The following NELFCD variants were observed in gnomAD, a reference collection of about 807,000 sequenced individuals.
NELFCD encodes the protein negative elongation factor complex member C/D.
NELFCD carries 48 observed loss-of-function variants against 72.9 expected under a neutral mutation model. That is an observed-to-expected ratio of 0.66 (90% CI 0.52 to 0.84). The LOEUF (loss-of-function observed/expected upper bound fraction) is 0.84, where lower values mean the gene tolerates loss of function less well. Among genes scored for constraint, NELFCD ranks in the 40% least tolerant of loss-of-function variants. The pLI, the probability that NELFCD is intolerant of heterozygous loss-of-function variation, is 0.00. For synonymous variants in NELFCD, 297 were observed against 280.6 expected (o/e 1.06, Z -0.59); for missense variants, 538 against 723.8 (o/e 0.74, Z 2.94).
In NELFCD at chr20:58,994,814, A is replaced by C. The variant is rs954985716; in HGVS notation, c.*138A>C. 2.4e-5 allele frequency: 17 copies of C among 704,992 alleles called. No homozygotes were observed. The Admixed American group carries it at 4.2e-4, about 17-fold the overall frequency. The allele number at this position is 704,992 out of a possible 1,614,324, so 43.7% of individuals were successfully genotyped here. ...GGGAGGAGGTGGATGACTTCTTTACAAAGGAAAATGGTAGCAGCTTCAGTG... is the reference window on the plus strand; with the variant it reads ...GGGAGGAGGTGGATGACTTCTTTACCAAGGAAAATGGTAGCAGCTTCAGTG... On this transcript the variant is annotated 3_prime_UTR_variant, in exon 15 of 15. Transcript: ENST00000652272.
rs967516067 is a variant in NELFCD, at chr20:58,986,349, T to A, written c.176+141T>A. 8.6e-6 allele frequency: 2 copies of A among 231,616 alleles called. No homozygotes were observed. Among genetic ancestry groups the A allele is most frequent in the African/African-American group, 4.8e-5 (2 of 41,732 alleles). The allele number at this position is 231,616 out of a possible 1,614,324, so 14.3% of individuals were successfully genotyped here. A position where few individuals can be genotyped will look rare whatever the true frequency, so the allele number is the denominator to read the frequency against. ...TTCAAGGGGGGGTCCCCTCTGCCAC[T>A]TTTTTTTTTTTTTTAAATTTTTTTA... On this transcript the variant is annotated intron_variant, in intron 2 of 14. Coordinates refer to ENST00000652272, the MANE Select transcript of NELFCD (RefSeq NM_198976.4). This position sits in a 1 kb window ranked among gnomAD's most constrained non-coding sequence, Gnocchi z 4.4.
chr20:58,994,564 A>C, intron 14 of NELFCD, 78 bp from the exon 15 acceptor site: 1 of 410,874 alleles, frequency 2.4e-6, no homozygotes, highest in Non-Finnish European at 3.6e-6. Flanking sequence ...CTGCATCTCA[A>C]AAAAAAAAAA....
chr20:58,990,820 C>A lies in NELFCD; in HGVS notation c.789-90C>A. Reference sequence around the variant, plus strand: ...ACTCGTGAATGACAGAAAAACAGATCCCAACAATGCAAAGTATTATATGTG... The same window carrying A: ...ACTCGTGAATGACAGAAAAACAGATACCAACAATGCAAAGTATTATATGTG... On this transcript the variant is annotated intron_variant, in intron 7 of 14. Coordinates refer to ENST00000652272, the MANE Select transcript of NELFCD (RefSeq NM_198976.4). 6 of 1,171,092 alleles carry A rather than the reference C, an allele frequency of 5.1e-6. No individual in the cohort carries two copies. The South Asian group carries it at 7.4e-5, about 14-fold the overall frequency. 72.5% of individuals were successfully genotyped at this position (1,171,092 alleles called of 1,614,324 possible). A position where few individuals can be genotyped will look rare whatever the true frequency, so the allele number is the denominator to read the frequency against.
rs752338939 is a variant in NELFCD, at chr20:58,981,290, G to C, written c.-20G>C. 1 of 1,070,822 alleles carries C rather than the reference G, an allele frequency of 9.3e-7. No individual in the cohort carries two copies. Among genetic ancestry groups the C allele is most frequent in the Admixed American group, 4.5e-5 (1 of 22,096 alleles). 66.3% of individuals were successfully genotyped at this position (1,070,822 alleles called of 1,614,324 possible). A position where few individuals can be genotyped will look rare whatever the true frequency, so the allele number is the denominator to read the frequency against. ...GCTCGCTCGCGGGAGGGCATGGCGG[G>C]GGCCGTGCCGGGCGCCATCATGGAC... On this transcript the variant is annotated 5_prime_UTR_variant, in exon 1 of 15. Transcript: ENST00000652272.
rs75576764 is a variant in NELFCD, at chr20:58,986,938, A to G, written c.286+75A>G. On this transcript the variant is annotated intron_variant, in intron 3 of 14. Coordinates refer to ENST00000652272, the MANE Select transcript of NELFCD (RefSeq NM_198976.4). This position sits in a 1 kb window ranked among gnomAD's most constrained non-coding sequence, Gnocchi z 4.4. Reference sequence around the variant, plus strand: ...AAATAGACTTTTGGGTCCTTATAACACTGATACAATGCCTTCTTTGATTTC... The same window carrying G: ...AAATAGACTTTTGGGTCCTTATAACGCTGATACAATGCCTTCTTTGATTTC... 2.0e-3 allele frequency: 1,665 copies of G among 819,420 alleles called. 28 individuals are homozygous for G. The African/African-American group carries it at 0.027, about 13-fold the overall frequency. The allele number at this position is 819,420 out of a possible 1,614,324, so 50.8% of individuals were successfully genotyped here.
At position 58,992,870 on chromosome 20, in the gene NELFCD, T is replaced by G. The variant is rs764058988; in HGVS notation, c.1230-128T>G. ...TCTCAAAAAAAAAAAAAAAAAAGGG[T>G]TGGGGGGCGTATTGAAGGGTGAATG... is the stretch of plus-strand genomic sequence containing the variant. On this transcript the variant is annotated intron_variant, in intron 10 of 14. Transcript: ENST00000652272. 1,216 of 531,200 alleles carry G rather than the reference T, an allele frequency of 2.3e-3. 2 individuals are homozygous for G. Among genetic ancestry groups the G allele is most frequent in the Non-Finnish European group, 3.1e-3 (914 of 296,266 alleles). The allele number at this position is 531,200 out of a possible 1,614,324, so 32.9% of individuals were successfully genotyped here. A position where few individuals can be genotyped will look rare whatever the true frequency, so the allele number is the denominator to read the frequency against.
intron 1 of NELFCD, among the ~76,000 whole-genome samples, 169 bp downstream of exon 1, chr20:58,981,538 CCCCGCCCGCCCGGGGTCCCGCGG>C (rs2091732517): frequency 6.8e-6 from 1 of 147,786 alleles, no homozygotes; most frequent in Non-Finnish European, 1.5e-5. Context: ...CCCGCCCCGC[CCCCGCCCGCCCGGGGTCCCGCGG>C]CGCGGCCGCC....
chr20:58,994,433 C>T (rs571662727), intron 14 of NELFCD, among the ~76,000 whole-genome samples, 194 bp downstream of exon 14: 37 of 152,038 alleles, frequency 2.4e-4, no homozygotes, highest in Admixed American at 1.6e-3. Flanking sequence ...CATGGTGGCA[C>T]GTGCCTGTAA....
intron 5 of NELFCD, 170 bp from the exon 6 acceptor site, chr20:58,989,318 T>G: frequency 1.3e-6 from 1 of 768,390 alleles, no homozygotes; most frequent in Non-Finnish European, 2.1e-6. Flanking sequence ...GGAGAGGTGG[T>G]CAGCCCAGGG....
At chr20:58,990,086 C>T (rs1360596232) in intron 7 of NELFCD, 98 bp downstream of exon 7, 1 of 1,499,162 alleles carries the variant, frequency 6.7e-7, no homozygotes, top group Non-Finnish European at 9.0e-7. Flanking sequence ...CTAGCTCCTT[C>T]TGTTCAACGT....
chr20:58,985,526 T>G (rs918134937), intron 1 of NELFCD, among the ~76,000 whole-genome samples: 2 of 152,178 alleles, frequency 1.3e-5, no homozygotes, highest in Non-Finnish European at 2.9e-5. Flanking sequence ...CTGAAGTTGC[T>G]TCCACATAGA....
In NELFCD at chr20:58,994,245, G is replaced by A. The variant is rs116866670; in HGVS notation, c.1711+6G>A. 1,983 of 1,613,912 alleles carry A rather than the reference G, an allele frequency of 1.2e-3. 28 individuals are homozygous for A. The East Asian group carries it at 0.031, about 25-fold the overall frequency. On this transcript the variant is annotated splice_donor_region_variant and intron_variant, in intron 14 of 14. Transcript: ENST00000652272. ...CCCTGTGACGGAGTTTATAGGTGAG[G>A]CCGACTGCCTAGCCCTTTACTACAA...
chr20:58,991,412 C>T lies in NELFCD; in HGVS notation c.1055C>T (p.Ala352Val), dbSNP rs200667528. 7.4e-6 allele frequency: 12 copies of T among 1,614,102 alleles called. No individual in the cohort carries two copies. Among genetic ancestry groups the T allele is most frequent in the African/African-American group, 2.7e-5 (2 of 74,930 alleles). ...DHKHKYIHIL[A>V]YAASVVETWK... ...AAGCACAAATACATCCACATCTTGG[C>T]GTACGCAGCAAGCGTGGTTGAGACC... is the stretch of plus-strand genomic sequence containing the variant. The change falls in exon 9 of 15, where the codon GCG becomes GTG. Residue 352 changes from alanine to valine, a missense_variant. By Grantham distance (64) the Ala-to-Val change is moderately conservative (BLOSUM62 0). Coordinates refer to ENST00000652272, the MANE Select transcript of NELFCD (RefSeq NM_198976.4).
intron 7 of NELFCD, 54 bp downstream of exon 7, chr20:58,990,042 C>G: frequency 6.3e-7 from 1 of 1,591,968 alleles, no homozygotes; most frequent in East Asian, 2.2e-5. Flanking sequence ...CCCACAAAAC[C>G]CTTCCCATGG....
At chr20:58,987,998 C>T in intron 4 of NELFCD, 181 bp downstream of exon 4, 1 of 593,226 alleles carries the variant, frequency 1.7e-6, no homozygotes, top group East Asian at 2.8e-5. Context: ...AGGGTCGTGA[C>T]ATGCTTGCAC....
At position 58,993,439 on chromosome 20, in the gene NELFCD, C is replaced by G; in HGVS notation, c.1345-10C>G. 2 of 1,613,054 alleles carry G rather than the reference C, an allele frequency of 1.2e-6. No homozygotes were observed. Among genetic ancestry groups the G allele is most frequent in the South Asian group, 1.1e-5 (1 of 91,002 alleles). ...ACTGCTCAGCGAAGCTCCCTCTGGC[C>G]TGTTTGTAGATCAGCACCTGCCACC... On this transcript the variant is annotated splice_polypyrimidine_tract_variant and intron_variant, in intron 11 of 14. Transcript: ENST00000652272. This position sits in a 1 kb window ranked among gnomAD's most constrained non-coding sequence, Gnocchi z 5.0.
At position 58,994,740 on chromosome 20, in the gene NELFCD, A is replaced by G. The variant is rs1372497658; in HGVS notation, c.*64A>G. On this transcript the variant is annotated 3_prime_UTR_variant, in exon 15 of 15. Coordinates refer to ENST00000652272, the MANE Select transcript of NELFCD (RefSeq NM_198976.4). Reference sequence around the variant, plus strand: ...AACCCGTTGTGGAAAAACCCTTTCAAGAAGCTGTTTTAAGAGGCTCGGGCA... The same window carrying G: ...AACCCGTTGTGGAAAAACCCTTTCAGGAAGCTGTTTTAAGAGGCTCGGGCA... 1.4e-5 allele frequency: 20 copies of G among 1,427,200 alleles called. No individual in the cohort carries two copies. The highest frequency in any genetic ancestry group is 2.0e-5 in the Non-Finnish European group (20 of 1,017,076). 88.4% of individuals were successfully genotyped at this position (1,427,200 alleles called of 1,614,324 possible). A position where few individuals can be genotyped will look rare whatever the true frequency, so the allele number is the denominator to read the frequency against.
intron 9 of NELFCD, 142 bp downstream of exon 9, chr20:58,991,588 G>T: frequency 1.0e-6 from 1 of 972,280 alleles, no homozygotes; most frequent in Non-Finnish European, 1.5e-6. Context: ...TCTGCGTAGA[G>T]AAAGCACTAA....
chr20:58,988,016 G>A, intron 4 of NELFCD, 199 bp downstream of exon 4: 2 of 574,288 alleles, frequency 3.5e-6, no homozygotes, highest in Non-Finnish European at 6.2e-6. Context: ...CACGCAAGAG[G>A]CACACAGGTG....
Sources: allele counts gnomAD v4.1 joint callset (sites outside exome capture counted in the v4.1 genomes callset), GRCh38; gene constraint gnomAD v4.1.1; non-coding constraint Gnocchi (gnomAD v3.1); transcripts MANE v1.5; gene names NCBI Gene and HGNC (gene_info 2026-07-23, HGNC 2026-07-21).